The following RORB variants were observed in gnomAD, a reference collection of about 807,000 sequenced individuals.
RORB encodes RAR related orphan receptor B.
RORB carries 6 observed loss-of-function variants against 59.1 expected under a neutral mutation model. The ratio of observed to expected loss-of-function variants is 0.10; its 90% CI spans 0.06 to 0.20. The LOEUF (loss-of-function observed/expected upper bound fraction) is 0.20, where lower values mean the gene tolerates loss of function less well. RORB is among the 10% of genes least tolerant of loss of function. RORB has a pLI of 1.00. For synonymous variants in RORB, 215 were observed against 204.5 expected (o/e 1.05, Z -0.44); for missense variants, 320 against 560.5 (o/e 0.57, Z 4.33).
intron 1 of RORB, among the ~76,000 whole-genome samples, chr9:74,611,767 C>T (rs1273918440): frequency 6.6e-6 from 1 of 152,180 alleles, no homozygotes; most frequent in East Asian, 1.9e-4. Context: ...CCTGCCTGAG[C>T]CTCCTGAGGA....
At chr9:74,500,183 G>T (rs945831975) in intron 1 of RORB, among the ~76,000 whole-genome samples, 2 of 152,178 alleles carry the variant, frequency 1.3e-5, no homozygotes, top group Non-Finnish European at 2.9e-5. Context: ...GCAGCTCTCA[G>T]GCGGCCTTAG....
At chr9:74,551,588 G>A (rs972899566) in intron 1 of RORB, among the ~76,000 whole-genome samples, 8 of 152,298 alleles carry the variant, frequency 5.3e-5, no homozygotes, top group South Asian at 2.1e-4. Context: ...CAAGGTTGAC[G>A]ACTGGTAACT....
intron 1 of RORB, among the ~76,000 whole-genome samples, chr9:74,541,100 G>A (rs1826399078): frequency 1.3e-5 from 2 of 151,816 alleles, no homozygotes; most frequent in Non-Finnish European, 1.5e-5. Context: ...GGCCAACATG[G>A]TGAAACCCTG....
At chr9:74,661,696 G>C (rs1563967501) in intron 5 of RORB, among the ~76,000 whole-genome samples, 1 of 129,956 alleles carries the variant, frequency 7.7e-6, no homozygotes, top group Non-Finnish European at 1.6e-5. Flanking sequence ...CCATGCTGGA[G>C]TGCAGTGGCG....
chr9:74,620,525 T>G (rs1823396853), intron 1 of RORB, among the ~76,000 whole-genome samples: 1 of 152,152 alleles, frequency 6.6e-6, no homozygotes, highest in African/African-American at 2.4e-5. Context: ...TTTGAAGGGT[T>G]TTTTTGTGTC....
At chr9:74,614,398 G>T (rs1020607212) in intron 1 of RORB, among the ~76,000 whole-genome samples, 2 of 151,780 alleles carry the variant, frequency 1.3e-5, no homozygotes, top group Non-Finnish European at 1.5e-5. Flanking sequence ...TTAAAAAAAA[G>T]CCATTTGTCA....
rs894316231 is a variant in RORB at position 74,689,044 on chromosome 9, C to T, written c.*3426C>T. On this transcript the variant is annotated 3_prime_UTR_variant, in exon 10 of 10. Coordinates refer to ENST00000376896, the MANE Select transcript of RORB (RefSeq NM_006914.4). ...AAAGGATTCCAAATCTGGTTTGACACCCGTATATGCCCGTACTGTCCATGA... is the reference window on the plus strand; with the variant it reads ...AAAGGATTCCAAATCTGGTTTGACATCCGTATATGCCCGTACTGTCCATGA... 1 of 152,162 alleles carries T rather than the reference C, an allele frequency of 6.6e-6. No homozygotes were observed. The highest frequency in any genetic ancestry group is 1.5e-5 in the Non-Finnish European group (1 of 68,032). 9.4% of individuals were successfully genotyped at this position (152,162 alleles called of 1,614,324 possible). A position where few individuals can be genotyped will look rare whatever the true frequency, so the allele number is the denominator to read the frequency against.
chr9:74,553,950 C>A (rs1490309287), intron 1 of RORB, among the ~76,000 whole-genome samples: 1 of 152,140 alleles, frequency 6.6e-6, no homozygotes, highest in South Asian at 2.1e-4. Context: ...CAACAGTTCT[C>A]AATGAGTGAC....
chr9:74,497,829 C>A lies in RORB; in HGVS notation c.-148C>A. ...GGCGGCAAACGTCACCCTGCAGCCACGGCGTCCGCCTAAAGGGATGGTTTT... is the reference window on the plus strand; with the variant it reads ...GGCGGCAAACGTCACCCTGCAGCCAAGGCGTCCGCCTAAAGGGATGGTTTT... On this transcript the variant is annotated 5_prime_UTR_variant, in exon 1 of 10. Coordinates refer to ENST00000376896, the MANE Select transcript of RORB (RefSeq NM_006914.4). The A allele has an allele frequency of 1.1e-6, 1 of 881,966 alleles. No homozygotes were observed. Among genetic ancestry groups the A allele is most frequent in the Non-Finnish European group, 1.8e-6 (1 of 567,744 alleles). The allele number at this position is 881,966 out of a possible 1,614,324, so 54.6% of individuals were successfully genotyped here. A position where few individuals can be genotyped will look rare whatever the true frequency, so the allele number is the denominator to read the frequency against.
chr9:74,676,342 T>C (rs1295676166), intron 9 of RORB, among the ~76,000 whole-genome samples: 12 of 152,192 alleles, frequency 7.9e-5, no homozygotes, highest in Non-Finnish European at 1.5e-4. Context: ...CAAAGCTGTA[T>C]TGAGAAGTTT....
intron 1 of RORB, among the ~76,000 whole-genome samples, chr9:74,622,346 G>T (rs1043393295): frequency 1.3e-5 from 2 of 152,078 alleles, no homozygotes; most frequent in Admixed American, 1.3e-4. Context: ...ATCAAGTAGA[G>T]TACATGTCTT....
intron 1 of RORB, among the ~76,000 whole-genome samples, chr9:74,595,078 A>G (rs979160320): frequency 1.3e-5 from 2 of 152,204 alleles, no homozygotes; most frequent in African/African-American, 4.8e-5. Context: ...ACCCTTCACC[A>G]GTTGAGTCAC....
rs186870264 is a variant in RORB, at chr9:74,569,133, T to C, written c.8-61149T>C. Among the ~76,000 whole-genome samples the C allele has an allele frequency of 5.2e-3, 788 of 152,136 alleles. 2 individuals carry two copies. The highest frequency in any genetic ancestry group is 0.014 in the African/African-American group (570 of 41,552). On this transcript the variant is annotated intron_variant, in intron 1 of 9. Transcript: ENST00000376896. ...ATGTATTTCAGTCACCAGACACAAA[T>C]GAAAAAAATTCTTAATAGATCATTA...
chr9:74,645,357 T>C (rs1265345072), intron 4 of RORB, among the ~76,000 whole-genome samples: 1 of 152,190 alleles, frequency 6.6e-6, no homozygotes, highest in Non-Finnish European at 1.5e-5. Context: ...ACAGTATCAC[T>C]GGGCAGGAAG....
intron 1 of RORB, among the ~76,000 whole-genome samples, chr9:74,503,540 C>T (rs531230939): frequency 9.2e-5 from 14 of 151,936 alleles, no homozygotes; most frequent in South Asian, 4.2e-4. Flanking sequence ...GTACTAGAGT[C>T]GCATAAAAAA....
At chr9:74,625,384 C>A (rs1452892237) in intron 1 of RORB, among the ~76,000 whole-genome samples, 1 of 152,170 alleles carries the variant, frequency 6.6e-6, no homozygotes. Context: ...GAGGGCAAGG[C>A]AAGCGGATCA....
intron 1 of RORB, among the ~76,000 whole-genome samples, chr9:74,588,564 A>G (rs1301350177): frequency 6.6e-6 from 1 of 152,224 alleles, no homozygotes; most frequent in Non-Finnish European, 1.5e-5. Flanking sequence ...TAATATTATT[A>G]TAGATCATCA....
chr9:74,553,665 A>G (rs987896506), intron 1 of RORB, among the ~76,000 whole-genome samples: 10 of 152,214 alleles, frequency 6.6e-5, no homozygotes, highest in Admixed American at 6.5e-5. Flanking sequence ...TTTGCAGGCC[A>G]ATTTGTACAA....
chr9:74,588,461 T>C (rs1427500659), intron 1 of RORB, among the ~76,000 whole-genome samples: 2 of 151,944 alleles, frequency 1.3e-5, no homozygotes, highest in African/African-American at 4.8e-5. Context: ...ACCTATGTTT[T>C]TAATCTACAC....
Sources: gnomAD v4.1 joint callset for allele counts (sites outside exome capture counted in the v4.1 genomes callset) on GRCh38, gnomAD v4.1.1 for gene constraint, MANE v1.5 for transcripts, NCBI Gene and HGNC (gene_info 2026-07-23, HGNC 2026-07-21) for gene names.